Variants in LRRC4C observed in about 807,000 individuals in gnomAD.
LRRC4C encodes the protein leucine rich repeat containing 4C.
LRRC4C carries 5 observed loss-of-function variants against 33.6 expected under a neutral mutation model. That is an observed-to-expected ratio of 0.15 (90% CI 0.08 to 0.31). The LOEUF (loss-of-function observed/expected upper bound fraction) is 0.31, where lower values mean the gene tolerates loss of function less well. Among genes scored for constraint, LRRC4C ranks in the 10% least tolerant of loss-of-function variants. The pLI is 1.00. For synonymous variants in LRRC4C, 329 were observed against 302.0 expected (o/e 1.09, Z -0.93); for missense variants, 560 against 796.7 (o/e 0.70, Z 3.58).
At chr11:40,190,142 C>A (rs950685807) in intron 5 of LRRC4C, among the ~76,000 whole-genome samples, 1 of 152,020 alleles carries the variant, frequency 6.6e-6, no homozygotes, top group Non-Finnish European at 1.5e-5. Flanking sequence ...AGAGAAGATG[C>A]AATAAGAAAA....
At chr11:40,495,161 G>A (rs1954364955) in intron 3 of LRRC4C, among the ~76,000 whole-genome samples, 1 of 152,084 alleles carries the variant, frequency 6.6e-6, no homozygotes, top group African/African-American at 2.4e-5. Context: ...AAGCTTAATG[G>A]AGATTTCAAA....
At chr11:40,657,572 T>C (rs1166302931) in intron 2 of LRRC4C, among the ~76,000 whole-genome samples, 1 of 152,244 alleles carries the variant, frequency 6.6e-6, no homozygotes, top group African/African-American at 2.4e-5. Context: ...ACCCAAAGAA[T>C]GCAGCCTTTG....
At chr11:41,454,805 G>A (rs1444497687) in intron 1 of LRRC4C, among the ~76,000 whole-genome samples, 1 of 151,832 alleles carries the variant, frequency 6.6e-6, no homozygotes, top group African/African-American at 2.4e-5. Flanking sequence ...TTAGTTTTGG[G>A]ATTTTTACCC....
chr11:40,581,494 A>G (rs1030297707), intron 3 of LRRC4C, among the ~76,000 whole-genome samples: 1 of 151,940 alleles, frequency 6.6e-6, no homozygotes, highest in Non-Finnish European at 1.5e-5. Flanking sequence ...TCATTTTCTT[A>G]TGTTTCTGTT....
At chr11:40,483,947 C>T (rs1953724598) in intron 3 of LRRC4C, among the ~76,000 whole-genome samples, 1 of 151,668 alleles carries the variant, frequency 6.6e-6, no homozygotes, top group African/African-American at 2.4e-5. Flanking sequence ...AACAAATGTC[C>T]CCCAAATGTA....
intron 1 of LRRC4C, among the ~76,000 whole-genome samples, chr11:40,972,221 C>A (rs1158707650): frequency 6.6e-6 from 1 of 150,746 alleles, no homozygotes; most frequent in African/African-American, 2.4e-5. Flanking sequence ...ACTGCAACTT[C>A]CACATCTTGG....
intron 5 of LRRC4C, among the ~76,000 whole-genome samples, chr11:40,182,212 T>C (rs1156390767): frequency 6.6e-6 from 1 of 152,216 alleles, no homozygotes; most frequent in African/African-American, 2.4e-5. Flanking sequence ...CCCAGTCTTA[T>C]TTAATTTTAT....
At chr11:40,375,339 A>T (rs775172274) in intron 3 of LRRC4C, among the ~76,000 whole-genome samples, 4 of 152,188 alleles carry the variant, frequency 2.6e-5, no homozygotes, top group Non-Finnish European at 5.9e-5. Flanking sequence ...TTGAGACCTA[A>T]CCAAGATGGA....
At chr11:40,203,125 T>C (rs1031696718) in intron 5 of LRRC4C, among the ~76,000 whole-genome samples, 2 of 152,178 alleles carry the variant, frequency 1.3e-5, no homozygotes, top group African/African-American at 4.8e-5. Context: ...ACAGACTCTA[T>C]TGGGAAATTC....
At chr11:40,536,296 C>A (rs769908958) in intron 3 of LRRC4C, among the ~76,000 whole-genome samples, 1 of 152,112 alleles carries the variant, frequency 6.6e-6, no homozygotes, top group African/African-American at 2.4e-5. Flanking sequence ...TGGGTTCAAG[C>A]GATTCTCCCA....
At chr11:40,153,870 T>C (rs1313638241) in intron 5 of LRRC4C, among the ~76,000 whole-genome samples, 1 of 152,136 alleles carries the variant, frequency 6.6e-6, no homozygotes, top group Non-Finnish European at 1.5e-5. Flanking sequence ...GAAAACATAT[T>C]TGGGGAAAAC....
chr11:40,322,578 A>G (rs186868112), intron 3 of LRRC4C, among the ~76,000 whole-genome samples: 21 of 152,240 alleles, frequency 1.4e-4, no homozygotes, highest in African/African-American at 5.1e-4. Context: ...TCAATGTGTC[A>G]ATCACACTGG....
At chr11:40,416,464 A>T (rs1040733119) in intron 3 of LRRC4C, among the ~76,000 whole-genome samples, 2 of 152,196 alleles carry the variant, frequency 1.3e-5, no homozygotes, top group African/African-American at 4.8e-5. Flanking sequence ...ACAGAAAGAC[A>T]GTCAGTATGG....
At chr11:41,379,315 G>A (rs1953055990) in intron 1 of LRRC4C, among the ~76,000 whole-genome samples, 2 of 152,036 alleles carry the variant, frequency 1.3e-5, no homozygotes, top group African/African-American at 2.4e-5. Flanking sequence ...CCATCACCAT[G>A]GTTACTGATT....
intron 2 of LRRC4C, among the ~76,000 whole-genome samples, chr11:40,671,007 C>T (rs887385642): frequency 1.3e-5 from 2 of 152,174 alleles, no homozygotes; most frequent in African/African-American, 4.8e-5. Context: ...TCGTGATCCG[C>T]CCGCCTTGGC....
Position 40,862,707 on chromosome 11 carries a change from T to C in LRRC4C, c.-407+70928A>G, listed in dbSNP as rs144818833. On this transcript the variant is annotated intron_variant, in intron 2 of 6. Transcript: ENST00000528697. ...AGGACATCATGGAAGATGGATAAAG[T>C]ACTTGAATGTTGATGTCCTGATTCT... Among the ~76,000 whole-genome samples the C allele has an allele frequency of 2.0e-5, 3 of 152,270 alleles. No individual in the cohort carries two copies. The East Asian group carries it at 5.8e-4, about 29-fold the overall frequency.
At chr11:40,211,674 C>A (rs1411496584) in intron 5 of LRRC4C, among the ~76,000 whole-genome samples, 1 of 152,058 alleles carries the variant, frequency 6.6e-6, no homozygotes, top group Non-Finnish European at 1.5e-5. Context: ...AATCTTGTAC[C>A]CAGGTGTAGT....
At chr11:40,734,029 T>C (rs935054320) in intron 2 of LRRC4C, among the ~76,000 whole-genome samples, 2 of 152,166 alleles carry the variant, frequency 1.3e-5, no homozygotes, top group Admixed American at 6.5e-5. Context: ...CTAAAAACAT[T>C]ATTAGAACAG....
intron 3 of LRRC4C, among the ~76,000 whole-genome samples, chr11:40,337,471 T>A (rs1052684831): frequency 6.6e-6 from 1 of 152,216 alleles, no homozygotes; most frequent in Non-Finnish European, 1.5e-5. Context: ...AGTCTTCTTA[T>A]GTCAGTGTTT....
Sources: gnomAD v4.1 joint callset for allele counts (sites outside exome capture counted in the v4.1 genomes callset) on GRCh38, gnomAD v4.1.1 for gene constraint, MANE v1.5 for transcripts, NCBI Gene and HGNC (gene_info 2026-07-23, HGNC 2026-07-21) for gene names.